The following SEL1L2 variants were observed in gnomAD, a reference collection of about 807,000 sequenced individuals.
SEL1L2 encodes the protein protein sel-1 homolog 2.
Under a neutral mutation model 98.8 loss-of-function variants are expected in SEL1L2, and 89 were observed. The observed-to-expected ratio is 0.90, with a 90% confidence interval of 0.76 to 1.07. The LOEUF is 1.07. Ranked by LOEUF, SEL1L2 falls within the 50% of genes least tolerant of loss-of-function variation. The pLI is 0.00. For missense variants in SEL1L2, 788 were observed against 812.0 expected (o/e 0.97, Z 0.36); for synonymous variants, 262 against 278.5 (o/e 0.94, Z 0.59).
Position 13,849,523 on chromosome 20 carries a change from G to A in SEL1L2, c.2029C>T (p.Pro677Ser). ...TTTCTAAGCAACAAAATCAGCCCAG[G>A]AACAATGAGGCCAATCACAAATAAG... is the stretch of plus-strand genomic sequence containing the variant. Reference protein sequence around the residue: ...WDLFVIGLIVPGLILLLRNHH... With the variant: ...WDLFVIGLIVSGLILLLRNHH... Residue 677 changes from proline (P) to serine (S), a missense_variant, in exon 20 of 20, where the codon CCT becomes TCT. Transcript: ENST00000284951. 1.2e-6 allele frequency: 2 copies of A among 1,614,040 alleles called. No homozygotes were observed. The highest frequency in any genetic ancestry group is 1.7e-6 in the Non-Finnish European group (2 of 1,179,950).
At chr20:13,855,363 T>G (rs1171755092) in intron 18 of SEL1L2, among the ~76,000 whole-genome samples, 1 of 152,098 alleles carries the variant, frequency 6.6e-6, no homozygotes, top group East Asian at 1.9e-4. Flanking sequence ...GTAAATAAGA[T>G]TCTTTTTATT....
intron 12 of SEL1L2, among the ~76,000 whole-genome samples, chr20:13,872,340 C>T (rs2046240564): frequency 6.6e-6 from 1 of 152,120 alleles, no homozygotes. Context: ...GGGGCGGTTA[C>T]CCCCGTGCTG....
chr20:13,950,252 T>C (rs1320166267), intron 2 of SEL1L2, among the ~76,000 whole-genome samples: 1 of 152,156 alleles, frequency 6.6e-6, no homozygotes, highest in African/African-American at 2.4e-5. Context: ...TGGAGATTAG[T>C]AGCACAACAG....
chr20:13,983,820 C>T (rs535949271), intron 1 of SEL1L2, among the ~76,000 whole-genome samples: 16 of 152,054 alleles, frequency 1.1e-4, no homozygotes, highest in African/African-American at 3.9e-4. Flanking sequence ...TGTGGCCCGC[C>T]AGCACTAGCT....
chr20:13,886,887 CAA>C (rs11475673), intron 8 of SEL1L2, among the ~76,000 whole-genome samples: 42 of 130,290 alleles, frequency 3.2e-4, no homozygotes, highest in African/African-American at 9.5e-4. Flanking sequence ...TACTCTGTCT[CAA>C]AAAAAAAAAA....
intron 1 of SEL1L2, among the ~76,000 whole-genome samples, chr20:13,975,086 G>A (rs1485496998): frequency 6.6e-6 from 1 of 151,970 alleles, no homozygotes; most frequent in Non-Finnish European, 1.5e-5. Flanking sequence ...ATAAGAACCA[G>A]GTTTTTTTTA....
At chr20:13,961,810 C>T (rs527902170) in intron 1 of SEL1L2, among the ~76,000 whole-genome samples, 1 of 152,302 alleles carries the variant, frequency 6.6e-6, no homozygotes, top group African/African-American at 2.4e-5. Flanking sequence ...CATTGCCTGT[C>T]TCTGTAGTAG....
chr20:13,886,541 G>C, intron 8 of SEL1L2, 99 bp from the exon 9 acceptor site: 1 of 1,034,970 alleles, frequency 9.7e-7, no homozygotes, highest in South Asian at 1.6e-5. Flanking sequence ...ATCTTAAATT[G>C]TGCAGAAATC....
At chr20:13,900,140 T>C (rs1321170508) in intron 5 of SEL1L2, among the ~76,000 whole-genome samples, 1 of 152,208 alleles carries the variant, frequency 6.6e-6, no homozygotes, top group Non-Finnish European at 1.5e-5. Context: ...TTCAGTTTGT[T>C]CCATAGTTAT....
Position 13,956,085 on chromosome 20 carries a change from G to T in SEL1L2, c.105C>A (p.Val35=). ...TTAGCAAAATATTTACCTGTGTGGT[G>T]ACATTTCTTTCCTTTTGTCTTTTAT... is the stretch of plus-strand genomic sequence containing the variant. ...EHNKRQKERN[V]TTQVSVNEIK... The change falls in exon 2 of 20, where the codon GTC becomes GTA. Residue 35 remains valine, a synonymous_variant. Transcript: ENST00000284951. 6.4e-7 allele frequency: 1 copy of T among 1,562,012 alleles called. No individual in the cohort carries two copies. Among genetic ancestry groups the T allele is most frequent in the Non-Finnish European group, 8.7e-7 (1 of 1,145,656 alleles).
In SEL1L2 at chr20:13,862,112, C is replaced by T. The variant is rs375670594; in HGVS notation, c.1646-2678G>A. 1.4e-4 allele frequency among the ~76,000 whole-genome samples: 21 copies of T among 152,276 alleles called. No individual in the cohort carries two copies. In the East Asian group the frequency reaches 3.5e-3, roughly 25 times the overall value. ...TAATCACTGACACAATCCCAGAACC[C>T]GGAATGGTACTTGATAAATACATAT... On this transcript the variant is annotated intron_variant, in intron 17 of 19. Transcript: ENST00000284951.
intron 18 of SEL1L2, among the ~76,000 whole-genome samples, chr20:13,857,202 ATTT>A (rs1207594766): frequency 1.4e-5 from 2 of 141,426 alleles, no homozygotes; most frequent in Non-Finnish European, 3.1e-5. Context: ...GTAGTCCCTG[ATTT>A]TTTTTTTTTT....
In SEL1L2 at chr20:13,866,834, C is replaced by T. The variant is rs747363822; in HGVS notation, c.1272G>A (p.Trp424Ter). 6 of 1,609,170 alleles carry T rather than the reference C, an allele frequency of 3.7e-6. No individual in the cohort carries two copies. Among genetic ancestry groups the T allele is most frequent in the African/African-American group, 1.3e-5 (1 of 74,708 alleles). The stretch of plus-strand genomic sequence containing the variant: ...ATTTGAAGGCAAGTTTATAATCCTT[C>T]CATATTCCAGAGCCAGCTGAAAATT... ...GFMYYSGSGI[W>*]KDYKLAFKYF... Residue 424 changes from tryptophan (W) to a stop codon, truncating the protein, a stop_gained, in exon 15 of 20, where the codon TGG (tryptophan) becomes TGA (stop). Coordinates refer to ENST00000284951, the MANE Select transcript of SEL1L2 (RefSeq NM_025229.2). LOFTEE classifies it high-confidence loss of function.
rs1039506101 is a variant in SEL1L2 at position 13,849,423 on chromosome 20, T to C, written c.*62A>G. ...CTTGATTTGGATGGGAAACTGTTTA[T>C]TTAGTGGGGATACCTTGGAGTGAAC... On this transcript the variant is annotated 3_prime_UTR_variant, in exon 20 of 20. Coordinates refer to ENST00000284951, the MANE Select transcript of SEL1L2 (RefSeq NM_025229.2). 4.4e-6 allele frequency: 7 copies of C among 1,586,662 alleles called. No homozygotes were observed. The African/African-American group carries it at 9.4e-5, about 21-fold the overall frequency.
Position 13,877,453 on chromosome 20 carries a change from G to A in SEL1L2, c.1026+67C>T, listed in dbSNP as rs1042887154. 7.1e-6 allele frequency: 9 copies of A among 1,274,214 alleles called. 1 individual carries two copies. The highest frequency in any genetic ancestry group is 2.6e-4 in the Middle Eastern group (1 of 3,884). 78.9% of individuals were successfully genotyped at this position (1,274,214 alleles called of 1,614,324 possible). A position where few individuals can be genotyped will look rare whatever the true frequency, so the allele number is the denominator to read the frequency against. On this transcript the variant is annotated intron_variant, in intron 11 of 19. Transcript: ENST00000284951. ...GTAGCTGGGACAACAGGCACACGCT[G>A]CTATGCCCAGTTTAATTTCTTAGGT...
chr20:13,965,297 G>A (rs1470159037), intron 1 of SEL1L2, among the ~76,000 whole-genome samples: 1 of 152,204 alleles, frequency 6.6e-6, no homozygotes, highest in Non-Finnish European at 1.5e-5. Context: ...TGGCAACGAG[G>A]ATGATTCTAA....
At chr20:13,950,329 T>C (rs1260779288) in intron 2 of SEL1L2, among the ~76,000 whole-genome samples, 1 of 152,190 alleles carries the variant, frequency 6.6e-6, no homozygotes, top group African/African-American at 2.4e-5. Context: ...TTTTATGTTA[T>C]GTATATTTGA....
At position 13,978,602 on chromosome 20, in the gene SEL1L2, C is replaced by T. The variant is rs185013499; in HGVS notation, c.58+11875G>A. Among the ~76,000 whole-genome samples, 4 of 152,264 alleles carry T rather than the reference C, an allele frequency of 2.6e-5. No homozygotes were observed. In the East Asian group the frequency reaches 7.7e-4, roughly 29 times the overall value. ...GGAAATCAGTATACTGAAGAGACAC[C>T]TGTGCCTCCATATCTATTGCAGCAC... On this transcript the variant is annotated intron_variant, in intron 1 of 19. Transcript: ENST00000284951.
chr20:13,927,302 T>G (rs1460600253), intron 3 of SEL1L2, among the ~76,000 whole-genome samples: 1 of 152,202 alleles, frequency 6.6e-6, no homozygotes, highest in Non-Finnish European at 1.5e-5. Context: ...CAAAAAGAAT[T>G]CAACTCAATG....
Sources: gnomAD v4.1 joint callset for allele counts (sites outside exome capture counted in the v4.1 genomes callset) on GRCh38, gnomAD v4.1.1 for gene constraint, MANE v1.5 for transcripts, NCBI Gene and HGNC (gene_info 2026-07-23, HGNC 2026-07-21) for gene names.